Variants in TFAP2C observed in about 807,000 individuals in gnomAD.
TFAP2C encodes the protein transcription factor AP-2 gamma.
In TFAP2C, 9 loss-of-function variants were observed where a neutral mutation model predicts 42.9. The ratio of observed to expected loss-of-function variants is 0.21; its 90% CI spans 0.13 to 0.37. The LOEUF (loss-of-function observed/expected upper bound fraction) is 0.37. Ranked by LOEUF, TFAP2C falls within the 10% of genes least tolerant of loss-of-function variation. The probability of loss-of-function intolerance (pLI) is 1.00; values close to 1 mark genes in which losing one functional copy is unlikely to be tolerated. For synonymous variants in TFAP2C, 264 were observed against 256.0 expected, an observed-to-expected ratio of 1.03 and a Z score of -0.30; for missense variants, 462 against 591.7, an observed-to-expected ratio of 0.78 and a Z score of 2.27.
chr20:56,636,462 G>T (rs1188471703), intron 5 of TFAP2C, 148 bp from the exon 6 acceptor site: 5 of 770,404 alleles, frequency 6.5e-6, no homozygotes, highest in East Asian at 2.8e-5. Context: ...GGAGGTGGAG[G>T]TTGCAGTGAG....
intron 6 of TFAP2C, among the ~76,000 whole-genome samples, chr20:56,637,264 C>A (rs954022887): frequency 5.9e-5 from 9 of 152,132 alleles, no homozygotes; most frequent in Admixed American, 6.6e-5. Context: ...CAGAACTAGT[C>A]GAGCCAGGAA....
chr20:56,635,760 A>G (rs762240718), intron 5 of TFAP2C, among the ~76,000 whole-genome samples: 9 of 152,208 alleles, frequency 5.9e-5, no homozygotes, highest in Admixed American at 2.6e-4. Flanking sequence ...CTCAGTATCC[A>G]TGGGGCACTG....
Position 56,630,653 on chromosome 20 carries a change from T to A in TFAP2C, c.49-552T>A. The A allele has an allele frequency of 1.0e-6, 1 of 981,132 alleles. No homozygotes were observed. Among genetic ancestry groups the A allele is most frequent in the Non-Finnish European group, 1.2e-6 (1 of 826,026 alleles). The allele number at this position is 981,132 out of a possible 1,614,324, so 60.8% of individuals were successfully genotyped here. On this transcript the variant is annotated intron_variant, in intron 1 of 6. Transcript: ENST00000201031. This position sits in a 1 kb window ranked among gnomAD's most constrained non-coding sequence, Gnocchi z 5.1. ...CGGCGCAGGGTGGCGGGCCCTGCTT[T>A]CCGAGCGCCGCCCGCTCGGAGGTCT... is the stretch of plus-strand genomic sequence containing the variant.
Position 56,630,684 on chromosome 20 carries a change from C to T in TFAP2C, c.49-521C>T. Reference sequence around the variant, plus strand: ...CGCCGCCCGCTCGGAGGTCTTTGTCCCGAGGGCGTGGAAGGGAGGGTCCCG... The same window carrying T: ...CGCCGCCCGCTCGGAGGTCTTTGTCTCGAGGGCGTGGAAGGGAGGGTCCCG... On this transcript the variant is annotated intron_variant, in intron 1 of 6. Transcript: ENST00000201031. This position sits in a 1 kb window ranked among gnomAD's most constrained non-coding sequence, Gnocchi z 5.1. The T allele has an allele frequency of 3.0e-6, 3 of 985,288 alleles. No homozygotes were observed. Among genetic ancestry groups the T allele is most frequent in the Non-Finnish European group, 3.6e-6 (3 of 829,832 alleles). The allele number at this position is 985,288 out of a possible 1,614,324, so 61.0% of individuals were successfully genotyped here. A position where few individuals can be genotyped will look rare whatever the true frequency, so the allele number is the denominator to read the frequency against.
chr20:56,633,830 G>A (rs569868407), intron 4 of TFAP2C, among the ~76,000 whole-genome samples: 1 of 152,260 alleles, frequency 6.6e-6, no homozygotes, highest in East Asian at 1.9e-4. Context: ...GGAGGTGGGG[G>A]GAGCACCCTG....
intron 6 of TFAP2C, among the ~76,000 whole-genome samples, chr20:56,637,124 T>G (rs1987597634): frequency 1.3e-5 from 2 of 152,202 alleles, no homozygotes; most frequent in African/African-American, 4.8e-5. Context: ...AGCAAGACTT[T>G]TGTCTTTCAA....
intron 6 of TFAP2C, 75 bp from the exon 7 acceptor site, chr20:56,637,653 A>T (rs1313938818): frequency 5.4e-6 from 8 of 1,488,406 alleles, no homozygotes; most frequent in Admixed American, 1.9e-5. Context: ...CGCCAGCCTC[A>T]GTGTAGTTGG....
intron 5 of TFAP2C, among the ~76,000 whole-genome samples, chr20:56,636,382 C>G (rs542761488): frequency 6.6e-6 from 1 of 152,116 alleles, no homozygotes; most frequent in Non-Finnish European, 1.5e-5. Flanking sequence ...CAAAAATTAG[C>G]TGGGTATGGT....
chr20:56,633,249 A>G (rs1031874591), intron 3 of TFAP2C, 104 bp from the exon 4 acceptor site: 15 of 833,502 alleles, frequency 1.8e-5, no homozygotes, highest in South Asian at 6.7e-5. Flanking sequence ...GTGTGCAATG[A>G]TGCTTGTCTA....
Position 56,631,037 on chromosome 20 carries a change from A to C in TFAP2C, c.49-168A>C. ...TCCCCGCACTCTTTGCTTACAACGA[A>C]ATCCTCGGGGCGCATTGCCCCCGGG... On this transcript the variant is annotated intron_variant, in intron 1 of 6. Transcript: ENST00000201031. This position sits in a 1 kb window ranked among gnomAD's most constrained non-coding sequence, Gnocchi z 6.1. 2.0e-6 allele frequency: 2 copies of C among 985,198 alleles called. No homozygotes were observed. Among genetic ancestry groups the C allele is most frequent in the Non-Finnish European group, 2.4e-6 (2 of 829,810 alleles). 61.0% of individuals were successfully genotyped at this position (985,198 alleles called of 1,614,324 possible). A position where few individuals can be genotyped will look rare whatever the true frequency, so the allele number is the denominator to read the frequency against.
At position 56,630,753 on chromosome 20, in the gene TFAP2C, G is replaced by A; in HGVS notation, c.49-452G>A. 2.0e-6 allele frequency: 2 copies of A among 985,282 alleles called. No homozygotes were observed. Among genetic ancestry groups the A allele is most frequent in the South Asian group, 4.7e-5 (1 of 21,286 alleles). The allele number at this position is 985,282 out of a possible 1,614,324, so 61.0% of individuals were successfully genotyped here. A position where few individuals can be genotyped will look rare whatever the true frequency, so the allele number is the denominator to read the frequency against. ...ATTTCCCGCGCCGCGCACTCTATCCGCGCCTGCCGCGCTGCCACCTCCAGC... is the reference window on the plus strand; with the variant it reads ...ATTTCCCGCGCCGCGCACTCTATCCACGCCTGCCGCGCTGCCACCTCCAGC... On this transcript the variant is annotated intron_variant, in intron 1 of 6. Coordinates refer to ENST00000201031, the MANE Select transcript of TFAP2C (RefSeq NM_003222.4). The surrounding 1 kb of genome is among the most constrained non-coding windows in gnomAD (Gnocchi z 5.1).
chr20:56,629,700 G>C lies in TFAP2C; in HGVS notation c.48+108G>C, dbSNP rs1987448410. On this transcript the variant is annotated intron_variant, in intron 1 of 6. Coordinates refer to ENST00000201031, the MANE Select transcript of TFAP2C (RefSeq NM_003222.4). This position sits in a 1 kb window ranked among gnomAD's most constrained non-coding sequence, Gnocchi z 5.9. ...AGGGCATAGGAGCCCTGGCCTCTCG[G>C]TGGGACGGGATCCACTTCTCCGGAC... 5.9e-6 allele frequency: 5 copies of C among 850,182 alleles called. No homozygotes were observed. Among genetic ancestry groups the C allele is most frequent in the Middle Eastern group, 2.9e-4 (1 of 3,470 alleles). The allele number at this position is 850,182 out of a possible 1,614,324, so 52.7% of individuals were successfully genotyped here. A position where few individuals can be genotyped will look rare whatever the true frequency, so the allele number is the denominator to read the frequency against.
chr20:56,631,247 C>G lies in TFAP2C; in HGVS notation c.91C>G (p.His31Asp). ...CAGCAATGGGAATCCGCGGGTCCCCCACCTCTCCTCCGCCGGGCAGCACCT... is the reference window on the plus strand; with the variant it reads ...CAGCAATGGGAATCCGCGGGTCCCCGACCTCTCCTCCGCCGGGCAGCACCT... ...GSSNGNPRVP[H>D]LSSAGQHLYS... Residue 31 changes from histidine to aspartate, a missense_variant, in exon 2 of 7, where the codon CAC becomes GAC. His to Asp is a moderately conservative substitution (Grantham distance 81). Around this residue, in one of 5 missense-constraint regions of TFAP2C, gnomAD observed 271 missense variants for 269.7 expected, o/e 1.00. Coordinates refer to ENST00000201031, the MANE Select transcript of TFAP2C (RefSeq NM_003222.4). The surrounding 1 kb of genome is among the most constrained non-coding windows in gnomAD (Gnocchi z 6.1). 1 of 1,580,580 alleles carries G rather than the reference C, an allele frequency of 6.3e-7. No individual in the cohort carries two copies. Among genetic ancestry groups the G allele is most frequent in the Non-Finnish European group, 8.6e-7 (1 of 1,164,724 alleles).
rs926856892 is a variant in TFAP2C, at chr20:56,629,368, A to C, written c.-177A>C. On this transcript the variant is annotated 5_prime_UTR_variant, in exon 1 of 7. Coordinates refer to ENST00000201031, the MANE Select transcript of TFAP2C (RefSeq NM_003222.4). This position sits in a 1 kb window ranked among gnomAD's most constrained non-coding sequence, Gnocchi z 5.9. ...GAGCGGTCTTGACACTCGCGGCGGC[A>C]GCATCTACGCTCGCAGAGCCGCCGA... 3.1e-5 allele frequency: 14 copies of C among 451,850 alleles called. No individual in the cohort carries two copies. Among genetic ancestry groups the C allele is most frequent in the Middle Eastern group, 5.5e-4 (1 of 1,808 alleles). The allele number at this position is 451,850 out of a possible 1,614,324, so 28.0% of individuals were successfully genotyped here. A position where few individuals can be genotyped will look rare whatever the true frequency, so the allele number is the denominator to read the frequency against.
In TFAP2C at chr20:56,637,955, A is replaced by G. The variant is rs762204012; in HGVS notation, c.1295A>G (p.Asp432Gly). The G allele has an allele frequency of 6.2e-7, 1 of 1,614,096 alleles. No individual in the cohort carries two copies. Among genetic ancestry groups the G allele is most frequent in the Non-Finnish European group, 8.5e-7 (1 of 1,179,956 alleles). ...VIDKSYMNPG[D>G]QSPADSNKTL... ...GACAAATCCTACATGAACCCTGGAG[A>G]CCAGAGTCCAGCTGATTCTAACAAA... is the stretch of plus-strand genomic sequence containing the variant. Residue 432 changes from aspartate to glycine, a missense_variant, in exon 7 of 7, where the codon GAC becomes GGC. Asp to Gly is a moderately conservative substitution (Grantham distance 94, BLOSUM62 -1). Transcript: ENST00000201031.
At chr20:56,637,689 C>G in intron 6 of TFAP2C, 39 bp from the exon 7 acceptor site, 1 of 1,603,822 alleles carries the variant, frequency 6.2e-7, no homozygotes, top group East Asian at 2.2e-5. Context: ...CTGTAAGGAG[C>G]TAGATGGAAC....
At chr20:56,633,090 T>C (rs1987522871) in intron 3 of TFAP2C, among the ~76,000 whole-genome samples, 1 of 152,062 alleles carries the variant, frequency 6.6e-6, no homozygotes, top group African/African-American at 2.4e-5. Flanking sequence ...CTGGATGTAG[T>C]GGTGGGCACC....
At chr20:56,633,246 A>G in intron 3 of TFAP2C, 107 bp from the exon 4 acceptor site, 1 of 818,548 alleles carries the variant, frequency 1.2e-6, no homozygotes, top group East Asian at 2.5e-5. Context: ...GGGGTGTGCA[A>G]TGATGCTTGT....
In TFAP2C at chr20:56,631,770, C is replaced by T; in HGVS notation, c.535-35C>T. ...CCACCCCGCACTCCTCTAGGCTCCC[C>T]CGAACTTAAGGGAATTTTGTCCTCT... On this transcript the variant is annotated intron_variant, in intron 2 of 6. Coordinates refer to ENST00000201031, the MANE Select transcript of TFAP2C (RefSeq NM_003222.4). This position sits in a 1 kb window ranked among gnomAD's most constrained non-coding sequence, Gnocchi z 6.1. 1 of 1,614,094 alleles carries T rather than the reference C, an allele frequency of 6.2e-7. No individual in the cohort carries two copies. The highest frequency in any genetic ancestry group is 1.7e-5 in the Admixed American group (1 of 60,020).
Sources: allele counts gnomAD v4.1 joint callset (sites outside exome capture counted in the v4.1 genomes callset), GRCh38; gene constraint gnomAD v4.1.1; regional missense constraint gnomAD v4.1.1; non-coding constraint Gnocchi (gnomAD v3.1); transcripts MANE v1.5; gene names NCBI Gene and HGNC (gene_info 2026-07-23, HGNC 2026-07-21).